The following FER variants were observed in gnomAD, a reference collection of about 807,000 sequenced individuals.
FER encodes the protein tyrosine-protein kinase Fer.
A neutral mutation model predicts 111.0 loss-of-function variants in FER; 63 were observed. The observed-to-expected ratio is 0.57, with a 90% CI of 0.46 to 0.70. The LOEUF (loss-of-function observed/expected upper bound fraction) is 0.70. Ranked by LOEUF, FER falls within the 30% of genes least tolerant of loss-of-function variation. The pLI, the probability that FER is intolerant of heterozygous loss-of-function variation, is 0.00. For synonymous variants in FER, 327 were observed against 313.9 expected (o/e 1.04, Z -0.44); for missense variants, 914 against 954.0 (o/e 0.96, Z 0.55).
intron 13 of FER, among the ~76,000 whole-genome samples, chr5:109,012,479 A>G (rs1351390357): frequency 6.6e-6 from 1 of 152,216 alleles, no homozygotes; most frequent in Non-Finnish European, 1.5e-5. Flanking sequence ...TTTAAGAGGC[A>G]TTTATTCTTG....
At chr5:109,172,019 C>CTT (rs936405065) in intron 17 of FER, among the ~76,000 whole-genome samples, 18 of 152,276 alleles carry the variant, frequency 1.2e-4, no homozygotes, top group African/African-American at 4.1e-4. Context: ...AATAGGAACA[C>CTT]TTTTACACTG....
chr5:108,802,589 A>G (rs1756785330), intron 3 of FER, among the ~76,000 whole-genome samples: 2 of 151,750 alleles, frequency 1.3e-5, no homozygotes, highest in Non-Finnish European at 2.9e-5. Flanking sequence ...GCTGCCACTT[A>G]TAAGTGAGAA....
intron 16 of FER, among the ~76,000 whole-genome samples, chr5:109,066,118 TTTC>T (rs1319410824): frequency 2.0e-5 from 3 of 152,230 alleles, no homozygotes; most frequent in Non-Finnish European, 4.4e-5. Flanking sequence ...TTAAGACCTT[TTTC>T]TTCTTCTGTG....
chr5:108,881,431 G>A (rs578029491), intron 8 of FER, among the ~76,000 whole-genome samples: 1 of 152,118 alleles, frequency 6.6e-6, no homozygotes, highest in African/African-American at 2.4e-5. Flanking sequence ...GCGTGAGAAA[G>A]ACCTGCCCCC....
chr5:108,871,462 G>C lies in FER; in HGVS notation c.763G>C (p.Asp255His), dbSNP rs1764592522. 6.2e-7 allele frequency: 1 copy of C among 1,611,434 alleles called. No individual in the cohort carries two copies. The highest frequency in any genetic ancestry group is 8.5e-7 in the Non-Finnish European group (1 of 1,178,238). Residue 255 changes from aspartate (D) to histidine (H), a missense_variant, in exon 7 of 20, where the codon GAT (aspartate) becomes CAT (histidine). Around this residue, in one of 3 missense-constraint regions of FER, gnomAD observed 774 missense variants for 782.6 expected, o/e 0.99. Transcript: ENST00000281092. ...KEIQMSVEQI[D>H]PSTEYNNFID... ...GATTCAAATGTCGGTTGAACAGATAGATCCTAGTACAGAATACAATAATTT... is the reference window on the plus strand; with the variant it reads ...GATTCAAATGTCGGTTGAACAGATACATCCTAGTACAGAATACAATAATTT...
Position 109,008,640 on chromosome 5 carries a change from G to A in FER, c.1657-28782G>A, listed in dbSNP as rs201258802. 1.6e-4 allele frequency among the ~76,000 whole-genome samples: 25 copies of A among 151,984 alleles called. No individual in the cohort carries two copies. In the East Asian group the frequency reaches 3.7e-3, roughly 22 times the overall value. On this transcript the variant is annotated intron_variant, in intron 13 of 19. Transcript: ENST00000281092. Reference sequence around the variant, plus strand: ...TCTCTGCTTTAAAAAAATATTTTGCGTATTTCCTTACAGTCTTTTTCCTCA... The same window carrying A: ...TCTCTGCTTTAAAAAAATATTTTGCATATTTCCTTACAGTCTTTTTCCTCA...
At chr5:108,898,681 C>G (rs887226308) in intron 10 of FER, among the ~76,000 whole-genome samples, 38 of 148,712 alleles carry the variant, frequency 2.6e-4, no homozygotes, top group Non-Finnish European at 4.5e-4. Context: ...CTCTCTCTTC[C>G]TCTTTCTTTC....
intron 16 of FER, chr5:109,051,441 A>G (rs1282987691): frequency 5.6e-6 from 9 of 1,613,068 alleles, no homozygotes; most frequent in African/African-American, 1.3e-5. Context: ...AATTCTGGTT[A>G]TCATCGGGGA....
chr5:108,750,697 TG>T (rs1750385522), intron 1 of FER, among the ~76,000 whole-genome samples: 1 of 152,242 alleles, frequency 6.6e-6, no homozygotes, highest in East Asian at 1.9e-4. Flanking sequence ...TCATCTTCGA[TG>T]TAGATGTTAC....
chr5:108,885,326 G>A (rs552063833), intron 9 of FER, among the ~76,000 whole-genome samples: 1 of 151,982 alleles, frequency 6.6e-6, no homozygotes, highest in South Asian at 2.1e-4. Context: ...TCAGTGAATG[G>A]CAACATCATC....
chr5:108,798,173 G>C lies in FER; in HGVS notation c.-10G>C, dbSNP rs765674931. 1 of 1,612,330 alleles carries C rather than the reference G, an allele frequency of 6.2e-7. No homozygotes were observed. Among genetic ancestry groups the C allele is most frequent in the Non-Finnish European group, 8.5e-7 (1 of 1,178,562 alleles). On this transcript the variant is annotated 5_prime_UTR_variant, in exon 3 of 20. Coordinates refer to ENST00000281092, the MANE Select transcript of FER (RefSeq NM_005246.4). ...TTGTGCAGTGTGGAGGATAACCAGTGCCTTACAAAATGGGGTTTGGGAGTG... is the reference window on the plus strand; with the variant it reads ...TTGTGCAGTGTGGAGGATAACCAGTCCCTTACAAAATGGGGTTTGGGAGTG...
intron 1 of FER, among the ~76,000 whole-genome samples, chr5:108,751,463 G>A (rs1350486240): frequency 6.6e-6 from 1 of 152,150 alleles, no homozygotes; most frequent in African/African-American, 2.4e-5. Flanking sequence ...AAGGAAATCT[G>A]ATGAACTTGT....
chr5:108,790,978 C>T (rs576934933), intron 2 of FER, among the ~76,000 whole-genome samples: 1 of 152,284 alleles, frequency 6.6e-6, no homozygotes, highest in East Asian at 1.9e-4. Context: ...TGTATCAATA[C>T]TTCCTTTTCA....
intron 11 of FER, among the ~76,000 whole-genome samples, chr5:108,947,173 T>G (rs1052180778): frequency 6.6e-6 from 1 of 152,074 alleles, no homozygotes; most frequent in Non-Finnish European, 1.5e-5. Flanking sequence ...CAAGTGTTTT[T>G]CTGTGTATAT....
chr5:108,976,406 C>G (rs1761343998), intron 13 of FER, among the ~76,000 whole-genome samples: 1 of 152,138 alleles, frequency 6.6e-6, no homozygotes, highest in South Asian at 2.1e-4. Context: ...TTTGTCTCAT[C>G]AAGGTTTTCT....
At chr5:109,142,704 G>C (rs1207597485) in intron 17 of FER, among the ~76,000 whole-genome samples, 1 of 151,822 alleles carries the variant, frequency 6.6e-6, no homozygotes, top group African/African-American at 2.4e-5. Flanking sequence ...AGGCAAATTT[G>C]ACTAACAGAA....
chr5:108,753,142 T>G (rs932718949), intron 1 of FER, among the ~76,000 whole-genome samples: 1 of 152,088 alleles, frequency 6.6e-6, no homozygotes, highest in East Asian at 1.9e-4. Flanking sequence ...TAAACTGACT[T>G]TAGGAAGTAT....
chr5:109,009,942 T>A (rs1424828213), intron 13 of FER, among the ~76,000 whole-genome samples: 2 of 152,274 alleles, frequency 1.3e-5, no homozygotes, highest in East Asian at 3.9e-4. Flanking sequence ...GGTCTAAATT[T>A]TGTAATTTCC....
chr5:108,764,302 A>G (rs1020348599), intron 1 of FER, among the ~76,000 whole-genome samples: 5 of 152,240 alleles, frequency 3.3e-5, no homozygotes, highest in African/African-American at 1.2e-4. Flanking sequence ...GTATATAGAT[A>G]TAACTACTTC....
Sources: gnomAD v4.1 joint callset for allele counts (sites outside exome capture counted in the v4.1 genomes callset) on GRCh38, gnomAD v4.1.1 for gene constraint, gnomAD v4.1.1 regional missense constraint, MANE v1.5 for transcripts, NCBI Gene and HGNC (gene_info 2026-07-23, HGNC 2026-07-21) for gene names.